SFMBT2: variants seen among roughly 807,000 people sequenced by gnomAD.
SFMBT2 encodes scm-like with four MBT domains protein 2.
A neutral mutation model predicts 110.1 loss-of-function variants in SFMBT2; 38 were observed. The observed-to-expected ratio is 0.35, with a 90% CI of 0.27 to 0.45. SFMBT2 has a LOEUF of 0.45. Among genes scored for constraint, SFMBT2 ranks in the 20% least tolerant of loss-of-function variants. The pLI is 1.00. For synonymous variants in SFMBT2, 425 were observed against 425.4 expected, an observed-to-expected ratio of 1.00 and a Z score of 0.01; for missense variants, 1,011 against 1,094.9, an observed-to-expected ratio of 0.92 and a Z score of 1.08.
At chr10:7,316,916 C>T (rs7900368) in intron 4 of SFMBT2, among the ~76,000 whole-genome samples, 32,908 of 152,040 alleles carry the variant, frequency 0.22, 3,935 homozygotes, top group East Asian at 0.31. Context: ...ACCACACATA[C>T]ATATGTGCAT....
At chr10:7,259,387 C>T (rs775353420) in intron 7 of SFMBT2, among the ~76,000 whole-genome samples, 3 of 152,226 alleles carry the variant, frequency 2.0e-5, no homozygotes, top group Admixed American at 6.5e-5. Context: ...CTGCCCTCGG[C>T]TCCCTCCATC....
rs1846275941 is a variant in SFMBT2, at chr10:7,408,304, C to A, written c.-52+2557G>T. Among the ~76,000 whole-genome samples, 1 of 152,162 alleles carries A rather than the reference C, an allele frequency of 6.6e-6. No homozygotes were observed. The highest frequency in any genetic ancestry group is 2.4e-5 in the African/African-American group (1 of 41,444). On this transcript the variant is annotated intron_variant, in intron 1 of 20. Transcript: ENST00000397167. This position sits in a 1 kb window ranked among gnomAD's most constrained non-coding sequence, Gnocchi z 5.7. ...CCGGCGTGTCGCCATCGTTCAGCCTCGCTGCCCAGGTGGGAGGGGTCACCT... is the reference window on the plus strand; with the variant it reads ...CCGGCGTGTCGCCATCGTTCAGCCTAGCTGCCCAGGTGGGAGGGGTCACCT...
chr10:7,266,248 C>A (rs148984204), intron 7 of SFMBT2, among the ~76,000 whole-genome samples: 1,579 of 152,212 alleles, frequency 0.01, 26 homozygotes, highest in African/African-American at 0.031. Context: ...CACCACCATG[C>A]CCAGATAATT....
chr10:7,226,443 G>A (rs1439592188), intron 10 of SFMBT2, among the ~76,000 whole-genome samples: 1 of 152,214 alleles, frequency 6.6e-6, no homozygotes, highest in Non-Finnish European at 1.5e-5. Context: ...ATATTGTTAT[G>A]TCTAGAGTGC....
chr10:7,250,424 C>CT (rs55893236), intron 7 of SFMBT2, among the ~76,000 whole-genome samples: 138,171 of 152,276 alleles, frequency 0.91, 62,735 homozygotes, highest in Admixed American at 0.93. Context: ...TACTTGCATT[C>CT]TTTTTATGGC....
chr10:7,165,596 T>G (rs1837674808), intron 20 of SFMBT2, among the ~76,000 whole-genome samples: 1 of 152,234 alleles, frequency 6.6e-6, no homozygotes, highest in Non-Finnish European at 1.5e-5. Flanking sequence ...GAGTGTCATT[T>G]TTTATTTTTA....
intron 11 of SFMBT2, 79 bp downstream of exon 11, chr10:7,220,332 G>A: frequency 8.4e-7 from 1 of 1,190,310 alleles, no homozygotes; most frequent in Non-Finnish European, 1.2e-6. Flanking sequence ...TTCTGAGAAG[G>A]GCTGCTTTCC....
At chr10:7,310,919 C>T (rs769055784) in intron 4 of SFMBT2, among the ~76,000 whole-genome samples, 2 of 151,820 alleles carry the variant, frequency 1.3e-5, no homozygotes, top group African/African-American at 2.4e-5. Context: ...TGGTGGCGGA[C>T]GCCTGTAATC....
rs150316760 is a variant in SFMBT2, at chr10:7,354,366, T to G, written c.436+13283A>C. Among the ~76,000 whole-genome samples, 558 of 152,282 alleles carry G rather than the reference T, an allele frequency of 3.7e-3. 8 individuals are homozygous for G. Among genetic ancestry groups the G allele is most frequent in the African/African-American group, 0.012 (513 of 41,546 alleles). On this transcript the variant is annotated intron_variant, in intron 4 of 20. Coordinates refer to ENST00000397167, the MANE Select transcript of SFMBT2 (RefSeq NM_001387889.1). ...TAACACGAATAACGTGGCAGTGTCA[T>G]GAGTAAACATAAAAAGATAAACTGG...
At chr10:7,173,555 T>A (rs763912414) in intron 17 of SFMBT2, among the ~76,000 whole-genome samples, 1 of 152,262 alleles carries the variant, frequency 6.6e-6, no homozygotes, top group Non-Finnish European at 1.5e-5. Context: ...GCTTCTGAAT[T>A]CTACAGCAGA....
chr10:7,398,896 A>C (rs192884443), intron 1 of SFMBT2, among the ~76,000 whole-genome samples: 3 of 152,342 alleles, frequency 2.0e-5, no homozygotes, highest in African/African-American at 7.2e-5. Context: ...AAAGTAAAGA[A>C]ACTTACAAGG....
intron 16 of SFMBT2, among the ~76,000 whole-genome samples, chr10:7,183,548 T>A (rs568300843): frequency 7.2e-5 from 11 of 152,288 alleles, no homozygotes; most frequent in Non-Finnish European, 1.3e-4. Context: ...GGAGCTCCCA[T>A]TATCTGCTGT....
At chr10:7,355,875 T>C (rs545686) in intron 4 of SFMBT2, among the ~76,000 whole-genome samples, 11,053 of 152,314 alleles carry the variant, frequency 0.073, 541 homozygotes, top group Non-Finnish European at 0.11. Context: ...GGAAATTCTG[T>C]ACTAATTTCT....
rs1269563977 is a variant in SFMBT2 at position 7,348,680 on chromosome 10, A to G, written c.436+18969T>C. ...AAGCCTCATGTTGTATAATCATTCT[A>G]TCTTCTGTTGGATGTAACCAGATTT... On this transcript the variant is annotated intron_variant, in intron 4 of 20. Coordinates refer to ENST00000397167, the MANE Select transcript of SFMBT2 (RefSeq NM_001387889.1). 2.3e-4 allele frequency among the ~76,000 whole-genome samples: 35 copies of G among 152,232 alleles called. 1 individual carries two copies. Among genetic ancestry groups the G allele is most frequent in the Admixed American group, 2.3e-3 (35 of 15,286 alleles).
intron 4 of SFMBT2, among the ~76,000 whole-genome samples, chr10:7,321,273 C>T (rs561592665): frequency 6.7e-6 from 1 of 149,438 alleles, no homozygotes; most frequent in Admixed American, 6.7e-5. Flanking sequence ...ACAATCTCGG[C>T]TCACGGCAAG....
At chr10:7,339,752 T>A (rs1314801130) in intron 4 of SFMBT2, among the ~76,000 whole-genome samples, 1 of 152,226 alleles carries the variant, frequency 6.6e-6, no homozygotes, top group Non-Finnish European at 1.5e-5. Context: ...AAGCACTGAA[T>A]AAATCTCCTC....
chr10:7,313,965 G>A (rs568063064), intron 4 of SFMBT2, among the ~76,000 whole-genome samples: 1 of 152,180 alleles, frequency 6.6e-6, no homozygotes, highest in Non-Finnish European at 1.5e-5. Flanking sequence ...GAGTTTGAAG[G>A]GGGGAGAGGA....
chr10:7,205,293 T>C (rs1259949531), intron 12 of SFMBT2: 2 of 480,494 alleles, frequency 4.2e-6, no homozygotes, highest in Non-Finnish European at 2.7e-6. Flanking sequence ...TATCTCACTA[T>C]GTTGCCCAGG....
chr10:7,382,638 C>A (rs1186203008), intron 1 of SFMBT2, among the ~76,000 whole-genome samples: 1 of 151,828 alleles, frequency 6.6e-6, no homozygotes, highest in African/African-American at 2.4e-5. Context: ...CAACCTCCAC[C>A]CCCCACACAA....
Sources: allele counts gnomAD v4.1 joint callset (sites outside exome capture counted in the v4.1 genomes callset), GRCh38; gene constraint gnomAD v4.1.1; non-coding constraint Gnocchi (gnomAD v3.1); transcripts MANE v1.5; gene names NCBI Gene and HGNC (gene_info 2026-07-23, HGNC 2026-07-21).